The following HADHA variants were observed in gnomAD, a reference collection of about 807,000 sequenced individuals.
HADHA encodes the protein hydroxyacyl-CoA dehydrogenase trifunctional multienzyme complex subunit alpha.
Under a neutral mutation model 91.3 loss-of-function variants are expected in HADHA, and 59 were observed. That is an observed-to-expected ratio of 0.65 (90% confidence interval 0.52 to 0.80). The LOEUF is 0.80. Among genes scored for constraint, HADHA ranks in the 30% least tolerant of loss-of-function variants. The pLI, the probability that HADHA is intolerant of heterozygous loss-of-function variation, is 0.00. For missense variants in HADHA, 800 were observed against 927.6 expected, an observed-to-expected ratio of 0.86 and a Z score of 1.79; for synonymous variants, 320 against 338.9, an observed-to-expected ratio of 0.94 and a Z score of 0.61.
At chr2:26,196,565 TC>T (rs1409917604) in intron 14 of HADHA, among the ~76,000 whole-genome samples, 1 of 152,208 alleles carries the variant, frequency 6.6e-6, no homozygotes, top group Admixed American at 6.5e-5. Flanking sequence ...GCTGGGGATT[TC>T]CCAATTTGTG....
chr2:26,242,179 C>T (rs1053952634), intron 1 of HADHA, among the ~76,000 whole-genome samples: 12 of 152,160 alleles, frequency 7.9e-5, no homozygotes, highest in Non-Finnish European at 1.2e-4. Flanking sequence ...CATGAGCCAC[C>T]GTGCCTGGCC....
intron 12 of HADHA, among the ~76,000 whole-genome samples, chr2:26,202,011 G>C (rs1277065269): frequency 6.6e-6 from 1 of 151,334 alleles, no homozygotes; most frequent in Non-Finnish European, 1.5e-5. Context: ...ATCTTGGCCA[G>C]GCTGGTCTTG....
chr2:26,240,518 A>G lies in HADHA; in HGVS notation c.68-1375T>C, dbSNP rs1025824797. On this transcript the variant is annotated intron_variant, in intron 1 of 19. Transcript: ENST00000380649. The stretch of plus-strand genomic sequence containing the variant: ...AGGTAATTCTAGCAAAACAGGGTAA[A>G]GTGGATTAGAGTGGGAATGAACTGA... 4.6e-5 allele frequency among the ~76,000 whole-genome samples: 7 copies of G among 152,194 alleles called. No homozygotes were observed. The East Asian group carries it at 1.3e-3, about 29-fold the overall frequency.
At chr2:26,217,166 C>T (rs936881376) in intron 7 of HADHA, among the ~76,000 whole-genome samples, 6 of 151,506 alleles carry the variant, frequency 4.0e-5, no homozygotes, top group South Asian at 2.1e-4. Flanking sequence ...GGACCAGACT[C>T]GGCAAGACCC....
intron 5 of HADHA, among the ~76,000 whole-genome samples, chr2:26,233,241 A>G (rs1670668323): frequency 6.6e-6 from 1 of 152,154 alleles, no homozygotes; most frequent in Admixed American, 6.6e-5. Context: ...AGGGGCTACA[A>G]ACCTGGACTG....
chr2:26,212,515 G>A, intron 10 of HADHA, 55 bp downstream of exon 10: 2 of 1,169,712 alleles, frequency 1.7e-6, no homozygotes, highest in South Asian at 1.2e-5. Flanking sequence ...ACAGAGGATT[G>A]GATCTTTAGT....
At position 26,217,064 on chromosome 2, in the gene HADHA, G is replaced by A. The variant is rs527359151; in HGVS notation, c.677-1889C>T. ...TACAGAAGGTAGAGGAAAACAGGACGATAATGAAGAGAAACTGAAGATATA... is the reference window on the plus strand; with the variant it reads ...TACAGAAGGTAGAGGAAAACAGGACAATAATGAAGAGAAACTGAAGATATA... On this transcript the variant is annotated intron_variant, in intron 7 of 19. Coordinates refer to ENST00000380649, the MANE Select transcript of HADHA (RefSeq NM_000182.5). Among the ~76,000 whole-genome samples, 3 of 152,192 alleles carry A rather than the reference G, an allele frequency of 2.0e-5. No individual in the cohort carries two copies. In the East Asian group the frequency reaches 5.8e-4, roughly 29 times the overall value.
At chr2:26,225,013 G>T (rs1219608206) in intron 7 of HADHA, among the ~76,000 whole-genome samples, 2 of 152,124 alleles carry the variant, frequency 1.3e-5, no homozygotes, top group African/African-American at 4.8e-5. Context: ...TTATTTGAAA[G>T]ACACAAACTA....
intron 13 of HADHA, 138 bp downstream of exon 13, chr2:26,201,011 C>A: frequency 2.7e-6 from 2 of 734,166 alleles, no homozygotes; most frequent in South Asian, 1.5e-5. Context: ...GGATTATAGG[C>A]GTGAGCCACC....
chr2:26,205,171 T>G (rs1490760346), intron 11 of HADHA, among the ~76,000 whole-genome samples: 1 of 152,186 alleles, frequency 6.6e-6, no homozygotes, highest in African/African-American at 2.4e-5. Context: ...TAGTTCCCTA[T>G]AGTTCTGGAA....
chr2:26,213,394 C>T (rs568859127), intron 9 of HADHA, among the ~76,000 whole-genome samples: 11 of 152,314 alleles, frequency 7.2e-5, no homozygotes, highest in South Asian at 6.2e-4. Flanking sequence ...GAATCTTTAT[C>T]GGACAAAGGT....
At chr2:26,236,359 G>GTA (rs34905439) in intron 4 of HADHA, among the ~76,000 whole-genome samples, 67,978 of 137,416 alleles carry the variant, frequency 0.49, 18,268 homozygotes, top group Non-Finnish European at 0.62. Flanking sequence ...GTGTGTGTGT[G>GTA]TATATATATA....
intron 1 of HADHA, 30 bp downstream of exon 1, chr2:26,244,500 A>C (rs1307473624): frequency 2.6e-6 from 4 of 1,556,804 alleles, no homozygotes; most frequent in Non-Finnish European, 3.5e-6. Flanking sequence ...TTCTGCCCGG[A>C]GGTCTGGGAT....
Position 26,192,427 on chromosome 2 carries a change from A to G in HADHA, c.1886-3T>C, listed in dbSNP as rs777618367. On this transcript the variant is annotated splice_polypyrimidine_tract_variant and splice_region_variant and intron_variant, in intron 17 of 19. Transcript: ENST00000380649. ...AAAGCCCTTCCCAGATTTACGACCT[A>G]AAACAGGCAAGAAAAGGGAGTGTTA... 3.5e-6 allele frequency: 5 copies of G among 1,442,876 alleles called. No homozygotes were observed. Among genetic ancestry groups the G allele is most frequent in the South Asian group, 1.1e-5 (1 of 87,652 alleles). 89.4% of individuals were successfully genotyped at this position (1,442,876 alleles called of 1,614,324 possible).
rs765104107 is a variant in HADHA at position 26,191,598 on chromosome 2, C to T, written c.2031G>A (p.Leu677=). The change falls in exon 19 of 20, where the codon CTG becomes CTA. Residue 677 remains leucine (L), a synonymous_variant. Coordinates refer to ENST00000380649, the MANE Select transcript of HADHA (RefSeq NM_000182.5). ...CTGCCTCATTCACAAATCTTGTCAC[C>T]AGGCGGAACTGGATGTCTTCGTCTG... ...VSSDEDIQFR[L]VTRFVNEAVM... 6.2e-7 allele frequency: 1 copy of T among 1,614,128 alleles called. No individual in the cohort carries two copies. Among genetic ancestry groups the T allele is most frequent in the Non-Finnish European group, 8.5e-7 (1 of 1,179,994 alleles).
In HADHA at chr2:26,194,950, G is replaced by A. The variant is rs1050172205; in HGVS notation, c.1620+142C>T. 65 of 813,258 alleles carry A rather than the reference G, an allele frequency of 8.0e-5. No individual in the cohort carries two copies. The East Asian group carries it at 1.2e-3, about 15-fold the overall frequency. The allele number at this position is 813,258 out of a possible 1,614,324, so 50.4% of individuals were successfully genotyped here. ...ACTCAGTGGGACAGTCAATACCACC[G>A]TCCATCCTGGAGACAACCCAGGGGA... On this transcript the variant is annotated intron_variant, in intron 15 of 19. Transcript: ENST00000380649.
At chr2:26,204,450 G>A (rs1669925876) in intron 11 of HADHA, among the ~76,000 whole-genome samples, 2 of 152,140 alleles carry the variant, frequency 1.3e-5, no homozygotes, top group South Asian at 2.1e-4. Flanking sequence ...ATCATGCTTC[G>A]AAATCACTGA....
intron 7 of HADHA, among the ~76,000 whole-genome samples, chr2:26,226,492 G>C (rs1009171632): frequency 6.6e-6 from 1 of 152,098 alleles, no homozygotes; most frequent in Admixed American, 6.6e-5. Context: ...TAGATAACTA[G>C]GAATAGGAAA....
intron 18 of HADHA, 78 bp downstream of exon 18, chr2:26,192,232 A>AAAT: frequency 1.3e-6 from 1 of 788,276 alleles, no homozygotes; most frequent in Non-Finnish European, 2.2e-6. Flanking sequence ...AAAAAAAAAA[A>AAAT]AATGGAAGAG....
Sources: gnomAD v4.1 joint callset for allele counts (sites outside exome capture counted in the v4.1 genomes callset) on GRCh38, gnomAD v4.1.1 for gene constraint, MANE v1.5 for transcripts, NCBI Gene and HGNC (gene_info 2026-07-23, HGNC 2026-07-21) for gene names.